The following PTPN14 variants were observed in gnomAD, a reference collection of about 807,000 sequenced individuals.
PTPN14 encodes tyrosine-protein phosphatase non-receptor type 14.
In PTPN14, 53 loss-of-function variants were observed where a neutral mutation model predicts 126.8. That is an observed-to-expected ratio of 0.42 (90% confidence interval 0.34 to 0.53). The LOEUF is 0.53. Among genes scored for constraint, PTPN14 ranks in the 20% least tolerant of loss-of-function variants. The pLI is 0.08. For synonymous variants in PTPN14, 630 were observed against 599.3 expected, an observed-to-expected ratio of 1.05 and a Z score of -0.75; for missense variants, 1,257 against 1,552.9, an observed-to-expected ratio of 0.81 and a Z score of 3.20.
intron 1 of PTPN14, among the ~76,000 whole-genome samples, chr1:214,527,099 GAA>G (rs111756250): frequency 7.8e-6 from 1 of 127,858 alleles, no homozygotes; most frequent in Non-Finnish European, 1.7e-5. Context: ...CTCCAAAAAA[GAA>G]AAAAAAAAAA....
intron 1 of PTPN14, among the ~76,000 whole-genome samples, chr1:214,501,431 G>C (rs893552844): frequency 6.6e-6 from 1 of 151,960 alleles, no homozygotes; most frequent in African/African-American, 2.4e-5. Context: ...TAGTAGAGAC[G>C]GGGCTTCGTG....
chr1:214,384,655 C>A lies in PTPN14; in HGVS notation c.1200G>T (p.Ser400=), dbSNP rs12404313. Residue 400 remains serine, a synonymous_variant, in exon 13 of 19, where the codon TCG becomes TCT. Coordinates refer to ENST00000366956, the MANE Select transcript of PTPN14 (RefSeq NM_005401.5). The surrounding 1 kb of genome is among the most constrained non-coding windows in gnomAD (Gnocchi z 5.3). ...CAGGGGAGGCCTGGATGAAACTTTG[C>A]GAGCAGTTGAGGGAGTTGACGCTGT... is the stretch of plus-strand genomic sequence containing the variant. The part of the protein sequence containing the change: ...SVHSVNSLNC[S]QSFIQASPVS... The A allele has an allele frequency of 1.2e-5, 20 of 1,614,026 alleles. No homozygotes were observed. Among genetic ancestry groups the A allele is most frequent in the Admixed American group, 1.0e-4 (6 of 60,014 alleles).
rs1464508954 is a variant in PTPN14, at chr1:214,384,286, C to A, written c.1569G>T (p.Val523=). The A allele has an allele frequency of 1.2e-6, 2 of 1,614,180 alleles. No individual in the cohort carries two copies. Among genetic ancestry groups the A allele is most frequent in the Middle Eastern group, 1.6e-4 (1 of 6,062 alleles). The change falls in exon 13 of 19, where the codon GTG becomes GTT. Residue 523 remains valine (V), a synonymous_variant. Coordinates refer to ENST00000366956, the MANE Select transcript of PTPN14 (RefSeq NM_005401.5). This position sits in a 1 kb window ranked among gnomAD's most constrained non-coding sequence, Gnocchi z 5.3. The part of the protein sequence containing the change: ...PSDQRNPKNN[V]VPSKPGASAI... Reference sequence around the variant, plus strand: ...CGCTTGCCCCCGGCTTGCTTGGTACCACATTATTCTTTGGGTTCCTCTGGT... The same window carrying A: ...CGCTTGCCCCCGGCTTGCTTGGTACAACATTATTCTTTGGGTTCCTCTGGT...
At chr1:214,420,805 C>T (rs1659525934) in intron 3 of PTPN14, among the ~76,000 whole-genome samples, 1 of 152,186 alleles carries the variant, frequency 6.6e-6, no homozygotes, top group Admixed American at 6.5e-5. Context: ...GCAATCAATC[C>T]ATAGCATTTA....
intron 5 of PTPN14, among the ~76,000 whole-genome samples, chr1:214,403,764 T>C (rs923224480): frequency 3.9e-5 from 6 of 152,252 alleles, no homozygotes; most frequent in African/African-American, 1.4e-4. Context: ...CAATGCATTC[T>C]TGAGAAATTG....
At chr1:214,388,832 A>G (rs1571967579) in intron 11 of PTPN14, among the ~76,000 whole-genome samples, 1 of 152,246 alleles carries the variant, frequency 6.6e-6, no homozygotes, top group African/African-American at 2.4e-5. Flanking sequence ...CCTCAATGGA[A>G]GAAACGCACT....
intron 2 of PTPN14, among the ~76,000 whole-genome samples, chr1:214,452,711 C>CATGCTAA (rs1660298566): frequency 6.6e-6 from 1 of 152,154 alleles, no homozygotes; most frequent in South Asian, 2.1e-4. Context: ...TTTTGAACAA[C>CATGCTAA]ATGCTAAATG....
chr1:214,402,630 T>TAAGGAAGGAAGGAAGGAAGGAAGG (rs1255911197), intron 6 of PTPN14, among the ~76,000 whole-genome samples: 1 of 31,356 alleles, frequency 3.2e-5, no homozygotes, highest in Non-Finnish European at 6.0e-5. Context: ...CCAGATTCTC[T>TAAGGAAGGAAGGAAGGAAGGAAGG]AAGGAAGGAA....
At chr1:214,539,288 T>C (rs1408652493) in intron 1 of PTPN14, among the ~76,000 whole-genome samples, 1 of 152,202 alleles carries the variant, frequency 6.6e-6, no homozygotes, top group East Asian at 1.9e-4. Context: ...TTTTAAAAGA[T>C]TCTTACTAAA....
intron 1 of PTPN14, among the ~76,000 whole-genome samples, chr1:214,484,218 A>T (rs1427927395): frequency 6.6e-6 from 1 of 152,196 alleles, no homozygotes; most frequent in African/African-American, 2.4e-5. Flanking sequence ...AGCCTGATCA[A>T]CACAGTATCA....
intron 18 of PTPN14, among the ~76,000 whole-genome samples, chr1:214,363,373 T>C (rs148220425): frequency 6.6e-6 from 1 of 152,228 alleles, no homozygotes; most frequent in Non-Finnish European, 1.5e-5. Context: ...AAACTTCATG[T>C]AGCAATATTT....
At position 214,507,015 on chromosome 1, in the gene PTPN14, G is replaced by A. The variant is rs1053534384; in HGVS notation, c.-154-42058C>T. Among the ~76,000 whole-genome samples, 24 of 150,744 alleles carry A rather than the reference G, an allele frequency of 1.6e-4. No individual in the cohort carries two copies. In the South Asian group the frequency reaches 2.3e-3, roughly 15 times the overall value. ...AAATTCGATAGCAATCATTCTACTC[G>A]TCTCTAAAAGATGACAAACCATTCA... On this transcript the variant is annotated intron_variant, in intron 1 of 18. Transcript: ENST00000366956.
Position 214,397,963 on chromosome 1 carries a change from A to C in PTPN14, c.708T>G (p.Phe236Leu). 1 of 1,613,204 alleles carries C rather than the reference A, an allele frequency of 6.2e-7. No individual in the cohort carries two copies. The highest frequency in any genetic ancestry group is 1.3e-5 in the African/African-American group (1 of 75,056). Reference sequence around the variant, plus strand: ...TTCTGTTCCTCACGAAAATCCCCATAAAGAAAATGCCAAGGTGTACACAGT... The same window carrying C: ...TTCTGTTCCTCACGAAAATCCCCATCAAGAAAATGCCAAGGTGTACACAGT... ...HGNCVHLGIF[F>L]MGIFVRNRIG... is the part of the protein sequence containing the mutation. The change falls in exon 8 of 19, where the codon TTT becomes TTG. Residue 236 changes from phenylalanine to leucine, a missense_variant. Physicochemically the swap from Phe to Leu is conservative, Grantham distance 22. Around this residue, in one of 3 missense-constraint regions of PTPN14, gnomAD observed 1,021 missense variants for 1,183.3 expected, o/e 0.86. Coordinates refer to ENST00000366956, the MANE Select transcript of PTPN14 (RefSeq NM_005401.5).
At chr1:214,373,889 A>C (rs1475849372) in intron 15 of PTPN14, among the ~76,000 whole-genome samples, 2 of 152,196 alleles carry the variant, frequency 1.3e-5, no homozygotes, top group African/African-American at 4.8e-5. Context: ...TGGTAGTACC[A>C]CAGCATCCAA....
At chr1:214,546,873 T>C (rs1655983019) in intron 1 of PTPN14, among the ~76,000 whole-genome samples, 1 of 152,090 alleles carries the variant, frequency 6.6e-6, no homozygotes, top group Admixed American at 6.5e-5. Flanking sequence ...AGAATGGCTA[T>C]GAAATGTTTT....
chr1:214,369,931 T>C (rs1426388762), intron 16 of PTPN14, among the ~76,000 whole-genome samples: 1 of 152,206 alleles, frequency 6.6e-6, no homozygotes, highest in East Asian at 1.9e-4. Flanking sequence ...TGCAGTAGAA[T>C]GTTAGAGAGA....
chr1:214,495,712 G>A (rs1041776581), intron 1 of PTPN14, among the ~76,000 whole-genome samples: 13 of 150,196 alleles, frequency 8.7e-5, no homozygotes, highest in East Asian at 3.9e-4. Flanking sequence ...TATTTACTTC[G>A]CAACGGAAAT....
chr1:214,439,204 T>C (rs1423924334), intron 3 of PTPN14, among the ~76,000 whole-genome samples: 3 of 152,244 alleles, frequency 2.0e-5, no homozygotes, highest in Non-Finnish European at 4.4e-5. Flanking sequence ...CTCTAGCAGA[T>C]ACATAACTTG....
intron 1 of PTPN14, among the ~76,000 whole-genome samples, chr1:214,506,861 G>A (rs1459389254): frequency 1.3e-5 from 2 of 151,392 alleles, no homozygotes; most frequent in African/African-American, 2.4e-5. Flanking sequence ...AGAATGTCTC[G>A]GTGGCATGTG....
Sources: gnomAD v4.1 joint callset for allele counts (sites outside exome capture counted in the v4.1 genomes callset) on GRCh38, gnomAD v4.1.1 for gene constraint, gnomAD v4.1.1 regional missense constraint, Gnocchi (gnomAD v3.1) non-coding constraint, MANE v1.5 for transcripts, NCBI Gene and HGNC (gene_info 2026-07-23, HGNC 2026-07-21) for gene names.